AMOT: variants seen among roughly 807,000 people sequenced by gnomAD.
AMOT encodes the protein angiomotin.
Under a neutral mutation model 67.0 loss-of-function variants are expected in AMOT, and 11 were observed. The observed-to-expected ratio is 0.16, with a 90% confidence interval of 0.10 to 0.27. The LOEUF (loss-of-function observed/expected upper bound fraction) is 0.27. Among genes scored for constraint, AMOT ranks in the 10% least tolerant of loss-of-function variants. AMOT has a pLI of 1.00. For missense variants in AMOT, 753 were observed against 852.0 expected (o/e 0.88, Z 1.45); for synonymous variants, 326 against 321.4 (o/e 1.01, Z -0.15).
chrX:112,819,487 C>T (rs1282821331), intron 4 of AMOT: 1 of 595,300 alleles, frequency 1.7e-6, no homozygotes, highest in Non-Finnish European at 2.0e-6. Flanking sequence ...TTTCAAGAAA[C>T]CTCAGATCTG....
intron 5 of AMOT, 126 bp from the exon 6 acceptor site, chrX:112,811,519 A>G (rs1638739570): frequency 1.7e-5 from 12 of 705,874 alleles, no homozygotes; most frequent in Non-Finnish European, 2.3e-5. Flanking sequence ...GGAGGCAAGC[A>G]TAACACAGTC....
At chrX:112,783,691 ATGTGTG>A (rs34787381) in intron 10 of AMOT, among the ~76,000 whole-genome samples, 11 of 100,635 alleles carry the variant, frequency 1.1e-4, no homozygotes, top group African/African-American at 3.7e-4. Context: ...AAGGAAAAAC[ATGTGTG>A]TGTGTGTGTG....
At chrX:112,833,043 G>C (rs1935034034) in intron 1 of AMOT, among the ~76,000 whole-genome samples, 1 of 111,947 alleles carries the variant, frequency 8.9e-6, no homozygotes, top group Non-Finnish European at 1.9e-5. Flanking sequence ...GGACTAAGGT[G>C]AGATTAAACC....
intron 3 of AMOT, among the ~76,000 whole-genome samples, chrX:112,824,358 G>A (rs1239312169): frequency 3.6e-5 from 4 of 111,437 alleles, no homozygotes; most frequent in East Asian, 2.8e-4. Flanking sequence ...AATGTCACAC[G>A]AAAAGTCACA....
At position 112,815,578 on chromosome X, in the gene AMOT, T is replaced by G; in HGVS notation, c.1172A>C (p.His391Pro). The G allele has an allele frequency of 8.3e-7, 1 of 1,209,539 alleles. No homozygotes were observed. Among genetic ancestry groups the G allele is most frequent in the Non-Finnish European group, 1.1e-6 (1 of 894,408 alleles). ...QQQQHHHHHH[H>P]QQQQQQQPQQ... ...TGGCTGCTGCTGCTGCTGTTGTTGG[T>G]GGTGATGGTGATGATGGTGCTGCTG... The change falls in exon 5 of 14, where the codon CAC becomes CCC. Residue 391 changes from histidine to proline, a missense_variant. Transcript: ENST00000371959.
At chrX:112,818,203 T>C (rs920872573) in intron 4 of AMOT, among the ~76,000 whole-genome samples, 8 of 111,225 alleles carry the variant, frequency 7.2e-5, no homozygotes, top group African/African-American at 2.0e-4. Context: ...AGTTCTGAAA[T>C]GGGCTTTCTC....
At chrX:112,836,433 C>T (rs73544295) in intron 1 of AMOT, among the ~76,000 whole-genome samples, 2,844 of 111,895 alleles carry the variant, frequency 0.025, 88 homozygotes, top group African/African-American at 0.088. Flanking sequence ...ATATGGGAGT[C>T]TTCATGTGTC....
At chrX:112,821,073 T>C (rs1427018728) in intron 4 of AMOT, among the ~76,000 whole-genome samples, 1 of 111,203 alleles carries the variant, frequency 9.0e-6, no homozygotes, top group Non-Finnish European at 1.9e-5. Context: ...AAATGCTAGG[T>C]GCCTTCTCTC....
chrX:112,834,272 T>C (rs1354671429), intron 1 of AMOT, among the ~76,000 whole-genome samples: 2 of 111,777 alleles, frequency 1.8e-5, no homozygotes, highest in Non-Finnish European at 3.8e-5. Flanking sequence ...ATGAGAAGCA[T>C]GTGCAGGGAA....
Position 112,822,831 on chromosome X carries a change from C to G in AMOT, c.296G>C (p.Arg99Pro). ...NLIMEKQLSP[R>P]MQNNEELPTY... Reference sequence around the variant, plus strand: ...CGGGAGTTCTTCATTATTTTGCATTCGAGGAGACAGCTGCTTCTCCATGAT... The same window carrying G: ...CGGGAGTTCTTCATTATTTTGCATTGGAGGAGACAGCTGCTTCTCCATGAT... Residue 99 changes from arginine (R) to proline (P), a missense_variant, in exon 4 of 14, where the codon CGA becomes CCA. This residue lies in a region of AMOT where 118 missense variants were observed against 125.9 expected (regional missense o/e 0.94). Transcript: ENST00000371959. 8.6e-7 allele frequency: 1 copy of G among 1,167,416 alleles called. No homozygotes were observed. Among genetic ancestry groups the G allele is most frequent in the Non-Finnish European group, 1.1e-6 (1 of 873,021 alleles).
At chrX:112,791,009 A>T (rs1933554492) in intron 9 of AMOT, among the ~76,000 whole-genome samples, 1 of 111,258 alleles carries the variant, frequency 9.0e-6, no homozygotes, top group Admixed American at 9.6e-5. Context: ...TCAAACTGTC[A>T]TGCTACTCAG....
Position 112,777,066 on chromosome X carries a change from A to G in AMOT, c.*1501T>C, listed in dbSNP as rs1174303669. The G allele has an allele frequency of 9.0e-6, 1 of 111,081 alleles. No individual in the cohort carries two copies. The highest frequency in any genetic ancestry group is 3.3e-5 in the African/African-American group (1 of 30,497). 9.2% of individuals were successfully genotyped at this position (111,081 alleles called of 1,213,427 possible). A position where few individuals can be genotyped will look rare whatever the true frequency, so the allele number is the denominator to read the frequency against. On this transcript the variant is annotated 3_prime_UTR_variant, in exon 14 of 14. Transcript: ENST00000371959. ...CCACCACTATGGCTCATGATGTAAT[A>G]TATCAGGCCTACTCTTCTATTAATC...
intron 8 of AMOT, among the ~76,000 whole-genome samples, chrX:112,803,101 C>T (rs921371293): frequency 3.7e-4 from 41 of 111,268 alleles, no homozygotes; most frequent in African/African-American, 1.1e-3. Context: ...AAAAGAAAGG[C>T]CCGACGAGTG....
intron 2 of AMOT, among the ~76,000 whole-genome samples, chrX:112,829,349 G>A (rs1449571382): frequency 9.0e-6 from 1 of 110,608 alleles, no homozygotes; most frequent in Non-Finnish European, 1.9e-5. Context: ...ATCTTCCCCC[G>A]TTGTCTCTTG....
chrX:112,794,245 G>A (rs766797173), intron 8 of AMOT, among the ~76,000 whole-genome samples: 2 of 111,645 alleles, frequency 1.8e-5, no homozygotes, highest in South Asian at 3.8e-4. Flanking sequence ...AAAGCATCCC[G>A]CAATAGAAGT....
intron 11 of AMOT, among the ~76,000 whole-genome samples, chrX:112,781,443 CAAAAAAAAAAAAAA>C (rs35689399): frequency 2.1e-4 from 6 of 29,002 alleles, no homozygotes; most frequent in African/African-American, 6.4e-4. Flanking sequence ...GACTCCATCT[CAAAAAAAAAAAAAA>C]AAAAAAAAAA....
Position 112,778,349 on chromosome X carries a change from C to A in AMOT, c.*218G>T. 3.3e-6 allele frequency: 1 copy of A among 301,353 alleles called. No homozygotes were observed. Among genetic ancestry groups the A allele is most frequent in the Non-Finnish European group, 5.9e-6 (1 of 169,999 alleles). The allele number at this position is 301,353 out of a possible 1,213,427, so 24.8% of individuals were successfully genotyped here. A position where few individuals can be genotyped will look rare whatever the true frequency, so the allele number is the denominator to read the frequency against. On this transcript the variant is annotated 3_prime_UTR_variant, in exon 14 of 14. Transcript: ENST00000371959. Reference sequence around the variant, plus strand: ...CAAACAATAAGCTTTAGAGCACATTCTGATTAATCTGTCTTTAGAGGTACT... The same window carrying A: ...CAAACAATAAGCTTTAGAGCACATTATGATTAATCTGTCTTTAGAGGTACT...
chrX:112,783,691 ATGTGTGTGTG>A (rs34787381), intron 10 of AMOT, among the ~76,000 whole-genome samples: 87 of 100,637 alleles, frequency 8.6e-4, no homozygotes, highest in Non-Finnish European at 1.3e-3. Context: ...AAGGAAAAAC[ATGTGTGTGTG>A]TGTGTGTGTG....
intron 8 of AMOT, among the ~76,000 whole-genome samples, chrX:112,798,761 A>G (rs1417672339): frequency 8.9e-6 from 1 of 112,356 alleles, no homozygotes; most frequent in Non-Finnish European, 1.9e-5. Context: ...TTAAAGGAAA[A>G]TCATAAAATT....
Sources: gnomAD v4.1 joint callset for allele counts (sites outside exome capture counted in the v4.1 genomes callset) on GRCh38, gnomAD v4.1.1 for gene constraint, gnomAD v4.1.1 regional missense constraint, MANE v1.5 for transcripts, NCBI Gene and HGNC (gene_info 2026-07-23, HGNC 2026-07-21) for gene names.